The following PISD variants were observed in gnomAD, a reference collection of about 807,000 sequenced individuals.
PISD encodes the protein phosphatidylserine decarboxylase.
PISD carries 31 observed loss-of-function variants against 43.5 expected under a neutral mutation model. The observed-to-expected ratio is 0.71, with a 90% CI of 0.54 to 0.96. The LOEUF is 0.96. Among genes scored for constraint, PISD ranks in the 40% least tolerant of loss-of-function variants. The pLI is 0.00. For missense variants in PISD, 523 were observed against 548.4 expected (o/e 0.95, Z 0.46); for synonymous variants, 259 against 228.7 (o/e 1.13, Z -1.20).
chr22:31,620,855 C>T (rs1196366113), intron 6 of PISD, 141 bp downstream of exon 6: 2 of 1,383,420 alleles, frequency 1.4e-6, no homozygotes, highest in African/African-American at 2.9e-5. Context: ...CGGTCCCCTG[C>T]CCACAACCAG....
Position 31,620,649 on chromosome 22 carries a change from C to T in PISD, c.909G>A (p.Glu303=), listed in dbSNP as rs2072504240. 6.2e-7 allele frequency: 1 copy of T among 1,614,230 alleles called. No homozygotes were observed. The highest frequency in any genetic ancestry group is 8.5e-7 in the Non-Finnish European group (1 of 1,180,040). ...RWIKELFCHN[E]RVVLTGDWKH... is the part of the protein sequence containing the mutation. ...TCCAGTCCCCCGTCAGGACCACCCGCTCGTTATGGCAGAAGAGCTCTTTGA... is the reference window on the plus strand; with the variant it reads ...TCCAGTCCCCCGTCAGGACCACCCGTTCGTTATGGCAGAAGAGCTCTTTGA... Residue 303 remains glutamate, a synonymous_variant, in exon 7 of 8, where the codon GAG becomes GAA. Coordinates refer to ENST00000439502, the MANE Select transcript of PISD (RefSeq NM_001326411.2).
intron 3 of PISD, among the ~76,000 whole-genome samples, chr22:31,640,888 T>TTTGTTTTTTTTTG (rs2073695852): frequency 1.2e-5 from 1 of 82,824 alleles, no homozygotes; most frequent in South Asian, 4.5e-4. Flanking sequence ...GTGTTTTTTT[T>TTTGTTTTTTTTTG]TTTTTTTTTT....
At chr22:31,626,094 C>A (rs2072894145) in intron 3 of PISD, 1 of 1,342,744 alleles carries the variant, frequency 7.4e-7, no homozygotes, top group African/African-American at 1.5e-5. Context: ...TGCAAAAGCC[C>A]CTGCACTAAA....
chr22:31,658,181 A>T (rs1478175015), intron 1 of PISD, among the ~76,000 whole-genome samples: 1 of 152,216 alleles, frequency 6.6e-6, no homozygotes, highest in African/African-American at 2.4e-5. Flanking sequence ...GGATGGGTTC[A>T]AACAGATGTC....
intron 3 of PISD, among the ~76,000 whole-genome samples, chr22:31,634,512 T>C (rs2073339944): frequency 6.6e-6 from 1 of 152,152 alleles, no homozygotes; most frequent in African/African-American, 2.4e-5. Flanking sequence ...GCCCAGGCAC[T>C]CAGGAAGGGC....
At chr22:31,652,341 G>A (rs1385871779) in intron 1 of PISD, among the ~76,000 whole-genome samples, 2 of 151,924 alleles carry the variant, frequency 1.3e-5, no homozygotes, top group African/African-American at 4.8e-5. Flanking sequence ...ACGTTGGCCA[G>A]GCTGGCCTCA....
rs1414019283 is a variant in PISD, at chr22:31,618,830, G to A, written c.*782C>T. ...TTTCATGTAGGGATATGTGGAGGGG[G>A]ACAGGAACTCTCCCATTTCCCCAGC... On this transcript the variant is annotated 3_prime_UTR_variant, in exon 8 of 8. Coordinates refer to ENST00000439502, the MANE Select transcript of PISD (RefSeq NM_001326411.2). The A allele has an allele frequency of 1.2e-5, 2 of 162,680 alleles. No homozygotes were observed. Among genetic ancestry groups the A allele is most frequent in the Admixed American group, 6.0e-5 (1 of 16,588 alleles). 10.1% of individuals were successfully genotyped at this position (162,680 alleles called of 1,614,324 possible).
intron 3 of PISD, among the ~76,000 whole-genome samples, chr22:31,629,494 G>A (rs2073090299): frequency 6.6e-6 from 1 of 150,882 alleles, no homozygotes; most frequent in East Asian, 1.9e-4. Flanking sequence ...TAGGTGTGAG[G>A]GTGGGCGCAT....
At position 31,661,364 on chromosome 22, in the gene PISD, C is replaced by T. The variant is rs146864296; in HGVS notation, c.65+780G>A. Among the ~76,000 whole-genome samples the T allele has an allele frequency of 5.2e-3, 792 of 150,946 alleles. 9 individuals are homozygous for T. Among genetic ancestry groups the T allele is most frequent in the African/African-American group, 0.019 (757 of 40,604 alleles). On this transcript the variant is annotated intron_variant, in intron 1 of 7. Coordinates refer to ENST00000439502, the MANE Select transcript of PISD (RefSeq NM_001326411.2). ...CTCAAATCTTAGCTCTTTGAAATGA[C>T]ACCAGGCAGCCGACTCTGAATCACA...
chr22:31,656,822 T>C lies in PISD; in HGVS notation c.65+5322A>G, dbSNP rs2074193385. 1.3e-5 allele frequency among the ~76,000 whole-genome samples: 2 copies of C among 152,118 alleles called. 1 individual carries two copies. The highest frequency in any genetic ancestry group is 4.1e-4 in the South Asian group (2 of 4,824). ...CCCCTTTCCACACTCCTCCATTTGC[T>C]GTTTGCTATGCTGGGCACACCCCTC... is the stretch of plus-strand genomic sequence containing the variant. On this transcript the variant is annotated intron_variant, in intron 1 of 7. Coordinates refer to ENST00000439502, the MANE Select transcript of PISD (RefSeq NM_001326411.2).
chr22:31,654,688 G>C (rs1368586996), intron 1 of PISD, among the ~76,000 whole-genome samples: 1 of 152,164 alleles, frequency 6.6e-6, no homozygotes, highest in African/African-American at 2.4e-5. Context: ...AATGAAATCT[G>C]AGGATCATTC....
At chr22:31,644,743 C>T (rs542862019) in intron 3 of PISD, among the ~76,000 whole-genome samples, 14 of 152,324 alleles carry the variant, frequency 9.2e-5, no homozygotes, top group African/African-American at 3.4e-4. Flanking sequence ...CTAATCTGAA[C>T]ATCCAAAATC....
intron 3 of PISD, among the ~76,000 whole-genome samples, chr22:31,624,505 A>G (rs1029749641): frequency 2.0e-5 from 3 of 151,940 alleles, no homozygotes; most frequent in Non-Finnish European, 2.9e-5. Flanking sequence ...CACTCCGCCT[A>G]CCACCACCAC....
intron 3 of PISD, among the ~76,000 whole-genome samples, chr22:31,645,839 A>C (rs2147777767): frequency 6.7e-6 from 1 of 148,704 alleles, no homozygotes; most frequent in East Asian, 2.0e-4. Context: ...CCTGGGCAAC[A>C]GAGTGAGACT....
intron 3 of PISD, chr22:31,628,157 T>C (rs1235765218): frequency 1.0e-6 from 1 of 985,464 alleles, no homozygotes; most frequent in Non-Finnish European, 1.2e-6. Flanking sequence ...GGGAGGAAAA[T>C]GAATCCAGCT....
chr22:31,633,687 C>G (rs774607464), intron 3 of PISD, among the ~76,000 whole-genome samples: 3 of 152,118 alleles, frequency 2.0e-5, no homozygotes, highest in Admixed American at 2.0e-4. Context: ...AGCACTCCAG[C>G]CTGGGCGACA....
At chr22:31,649,953 A>G (rs2073987526) in intron 2 of PISD, among the ~76,000 whole-genome samples, 1 of 152,254 alleles carries the variant, frequency 6.6e-6, no homozygotes, top group African/African-American at 2.4e-5. Flanking sequence ...GGCAAGAGGC[A>G]TGGAACAGAT....
At chr22:31,632,475 A>T (rs2073245800) in intron 3 of PISD, among the ~76,000 whole-genome samples, 1 of 152,168 alleles carries the variant, frequency 6.6e-6, no homozygotes, top group Admixed American at 6.5e-5. Context: ...ATGAGAAAAA[A>T]AATCTATTCC....
rs1296009031 is a variant in PISD at position 31,630,118 on chromosome 22, C to T, written c.322-8233G>A. On this transcript the variant is annotated intron_variant, in intron 3 of 7. Transcript: ENST00000439502. The surrounding 1 kb of genome is among the most constrained non-coding windows in gnomAD (Gnocchi z 4.4). ...TCCTGAGCTAGAAGCAGGCAAACTT[C>T]CCAAGTAGGAGACGGGGAAAATGGT... is the stretch of plus-strand genomic sequence containing the variant. 3.3e-5 allele frequency: 5 copies of T among 152,158 alleles called. No homozygotes were observed. The highest frequency in any genetic ancestry group is 1.2e-4 in the African/African-American group (5 of 41,388). 9.4% of individuals were successfully genotyped at this position (152,158 alleles called of 1,614,324 possible).
Sources: gnomAD v4.1 joint callset for allele counts (sites outside exome capture counted in the v4.1 genomes callset) on GRCh38, gnomAD v4.1.1 for gene constraint, Gnocchi (gnomAD v3.1) non-coding constraint, MANE v1.5 for transcripts, NCBI Gene and HGNC (gene_info 2026-07-23, HGNC 2026-07-21) for gene names.